ANOS1: variants seen among roughly 807,000 people sequenced by gnomAD.
ANOS1 encodes the protein anosmin-1.
In ANOS1, 6 loss-of-function variants were observed where a neutral mutation model predicts 59.0. The ratio of observed to expected loss-of-function variants is 0.10; its 90% CI spans 0.06 to 0.20. The LOEUF (loss-of-function observed/expected upper bound fraction) is 0.20, where lower values mean the gene tolerates loss of function less well. ANOS1 is among the 10% of genes least tolerant of loss of function. The pLI is 1.00. For synonymous variants in ANOS1, 217 were observed against 223.4 expected, an observed-to-expected ratio of 0.97 and a Z score of 0.25; for missense variants, 433 against 542.3, an observed-to-expected ratio of 0.80 and a Z score of 2.00.
In ANOS1 at chrX:8,554,558, T is replaced by TG. The variant is rs1569047171; in HGVS notation, c.1208-461_1208-460insC. Among the ~76,000 whole-genome samples, 757 of 97,964 alleles carry TG rather than the reference T, an allele frequency of 7.7e-3. 9 individuals carry two copies. The highest frequency in any genetic ancestry group is 0.028 in the African/African-American group (718 of 25,375). 85.1% of individuals were successfully genotyped at this position (97,964 alleles called of 115,157 possible). ...GCTACAGGAGTTTTTTTTTTTTTTT[T>TG]TTTTTTTTTTTTGTTGTTGTTGTTG... On this transcript the variant is annotated intron_variant, in intron 8 of 13. Transcript: ENST00000262648.
At chrX:8,537,325 G>C (rs982805431) in intron 10 of ANOS1, among the ~76,000 whole-genome samples, 5 of 111,618 alleles carry the variant, frequency 4.5e-5, no homozygotes, top group African/African-American at 1.6e-4. Flanking sequence ...CATAGAATTA[G>C]TTTATATGTA....
intron 4 of ANOS1, among the ~76,000 whole-genome samples, chrX:8,596,116 T>C (rs1930731085): frequency 9.0e-6 from 1 of 111,283 alleles, no homozygotes; most frequent in South Asian, 3.8e-4. Flanking sequence ...CGGTGAGTTG[T>C]ATAATTATTT....
At chrX:8,632,042 C>T (rs1442881465) in intron 2 of ANOS1, among the ~76,000 whole-genome samples, 4 of 111,677 alleles carry the variant, frequency 3.6e-5, no homozygotes, top group Admixed American at 1.9e-4. Context: ...GATGTGTGTG[C>T]CTTCGTGGAT....
intron 1 of ANOS1, among the ~76,000 whole-genome samples, chrX:8,702,727 C>G (rs967512138): frequency 8.9e-6 from 1 of 112,253 alleles, no homozygotes; most frequent in Non-Finnish European, 1.9e-5. Context: ...AAGGACGACA[C>G]CTGTCTGAGC....
chrX:8,615,609 A>G (rs1267694895), intron 3 of ANOS1, among the ~76,000 whole-genome samples: 1 of 110,614 alleles, frequency 9.0e-6, no homozygotes, highest in African/African-American at 3.3e-5. Context: ...TCCAGCCTCC[A>G]TCCCTTTGTC....
At position 8,556,406 on chromosome X, in the gene ANOS1, T is replaced by C. The variant is rs1235266210; in HGVS notation, c.1208-2308A>G. The stretch of plus-strand genomic sequence containing the variant: ...AAGTCAAATTGTCTCTGTTTGCAGA[T>C]GACATGATTGTATATTTAGAAAACC... On this transcript the variant is annotated intron_variant, in intron 8 of 13. Transcript: ENST00000262648. Among the ~76,000 whole-genome samples, 3 of 112,073 alleles carry C rather than the reference T, an allele frequency of 2.7e-5. No homozygotes were observed. In the East Asian group the frequency reaches 8.4e-4, roughly 31 times the overall value.
chrX:8,536,187 G>GGTTTT (rs1569252182), intron 11 of ANOS1, among the ~76,000 whole-genome samples: 1 of 32,006 alleles, frequency 3.1e-5, no homozygotes, highest in East Asian at 1.5e-3. Context: ...TAAATCCGAA[G>GGTTTT]CTTTTTTTTT....
chrX:8,560,468 C>A (rs1930015003), intron 8 of ANOS1, among the ~76,000 whole-genome samples: 2 of 112,200 alleles, frequency 1.8e-5, no homozygotes. Context: ...TCTCTCCCAA[C>A]TACTCAATTA....
intron 8 of ANOS1, among the ~76,000 whole-genome samples, chrX:8,562,197 T>C (rs955693567): frequency 9.0e-6 from 1 of 111,486 alleles, no homozygotes; most frequent in Non-Finnish European, 1.9e-5. Flanking sequence ...CATCTTGGCC[T>C]CCCAAAGTGC....
chrX:8,624,831 G>A (rs1442397858), intron 2 of ANOS1, among the ~76,000 whole-genome samples: 1 of 110,383 alleles, frequency 9.1e-6, no homozygotes, highest in African/African-American at 3.3e-5. Context: ...TCTGAGGCCA[G>A]GTGTGGTGGC....
intron 9 of ANOS1, among the ~76,000 whole-genome samples, chrX:8,541,409 AC>A (rs145095073): frequency 0.43 from 33,657 of 78,005 alleles, 6,024 homozygotes; most frequent in East Asian, 0.59. Flanking sequence ...GTCTCCCACC[AC>A]CCCCCCCCCA....
chrX:8,560,567 C>G (rs2146800661), intron 8 of ANOS1, among the ~76,000 whole-genome samples: 1 of 112,444 alleles, frequency 8.9e-6, no homozygotes, highest in Non-Finnish European at 1.9e-5. Flanking sequence ...ATTTACAAAA[C>G]CAGGAGGGGG....
At chrX:8,554,730 G>A (rs771190176) in intron 8 of ANOS1, among the ~76,000 whole-genome samples, 8 of 108,443 alleles carry the variant, frequency 7.4e-5, no homozygotes, top group African/African-American at 2.3e-4. Flanking sequence ...TTCATAAAGC[G>A]TGTTCTTAGA....
chrX:8,561,765 A>G (rs1930037089), intron 8 of ANOS1, among the ~76,000 whole-genome samples: 1 of 109,549 alleles, frequency 9.1e-6, no homozygotes, highest in Non-Finnish European at 1.9e-5. Context: ...AGAGTTTCAC[A>G]AACCCATTTA....
At chrX:8,595,880 ACTC>A (rs1930726883) in intron 4 of ANOS1, among the ~76,000 whole-genome samples, 2 of 110,224 alleles carry the variant, frequency 1.8e-5, no homozygotes, top group South Asian at 7.8e-4. Context: ...ATTTACAGCC[ACTC>A]CTCATCACTC....
intron 4 of ANOS1, among the ~76,000 whole-genome samples, chrX:8,595,630 AT>A (rs1056819524): frequency 9.0e-6 from 1 of 111,628 alleles, no homozygotes. Flanking sequence ...CTTTATACAC[AT>A]TTTTTTTAAG....
At chrX:8,694,717 TA>T (rs1248659270) in intron 2 of ANOS1, among the ~76,000 whole-genome samples, 1 of 112,126 alleles carries the variant, frequency 8.9e-6, no homozygotes, top group African/African-American at 3.2e-5. Context: ...TGGACCAACT[TA>T]AAAATATTAT....
chrX:8,719,363 A>T (rs1380683510), intron 1 of ANOS1, among the ~76,000 whole-genome samples: 1 of 112,118 alleles, frequency 8.9e-6, no homozygotes, highest in Admixed American at 9.5e-5. Context: ...GATTTAAACA[A>T]GAGTTAATCA....
At chrX:8,540,280 C>T (rs1929661844) in intron 9 of ANOS1, among the ~76,000 whole-genome samples, 1 of 111,309 alleles carries the variant, frequency 9.0e-6, no homozygotes, top group African/African-American at 3.3e-5. Context: ...ATTGGCTATC[C>T]ACGTTTATTT....
Sources: allele counts gnomAD v4.1 joint callset (sites outside exome capture counted in the v4.1 genomes callset), GRCh38; gene constraint gnomAD v4.1.1; transcripts MANE v1.5; gene names NCBI Gene and HGNC (gene_info 2026-07-23, HGNC 2026-07-21).